The following PCCA variants were observed in gnomAD, a reference collection of about 807,000 sequenced individuals.
The protein encoded by PCCA is propionyl-CoA carboxylase alpha chain, mitochondrial.
In PCCA, 74 loss-of-function variants were observed where a neutral mutation model predicts 101.3. The observed-to-expected ratio is 0.73, with a 90% CI of 0.61 to 0.89. The LOEUF is 0.89. Ranked by LOEUF, PCCA falls within the 40% of genes least tolerant of loss-of-function variation. The pLI is 0.00. For missense variants in PCCA, 891 were observed against 907.0 expected, an observed-to-expected ratio of 0.98 and a Z score of 0.23; for synonymous variants, 294 against 313.6, an observed-to-expected ratio of 0.94 and a Z score of 0.66.
chr13:100,471,260 C>T (rs879526740), intron 21 of PCCA, among the ~76,000 whole-genome samples: 1 of 152,128 alleles, frequency 6.6e-6, no homozygotes, highest in Non-Finnish European at 1.5e-5. Flanking sequence ...TTATAGTTTA[C>T]CATCGTACAT....
chr13:100,291,768 T>C (rs1271480193), intron 12 of PCCA, among the ~76,000 whole-genome samples: 1 of 152,236 alleles, frequency 6.6e-6, no homozygotes, highest in Non-Finnish European at 1.5e-5. Context: ...TAATTTTTAT[T>C]GACTACTTGG....
At chr13:100,489,982 A>T (rs1356715891) in intron 21 of PCCA, 3 of 152,188 alleles carry the variant, frequency 2.0e-5, no homozygotes, top group African/African-American at 7.2e-5. Flanking sequence ...TTGTCAACAA[A>T]ATCAGTAAGT....
chr13:100,403,771 C>T (rs1745800), intron 19 of PCCA, among the ~76,000 whole-genome samples: 1 of 151,950 alleles, frequency 6.6e-6, no homozygotes, highest in Non-Finnish European at 1.5e-5. Context: ...AGTCCTGCTA[C>T]AGTGCTTCCT....
chr13:100,290,457 C>T (rs1364592730), intron 12 of PCCA, among the ~76,000 whole-genome samples: 1 of 152,202 alleles, frequency 6.6e-6, no homozygotes, highest in Non-Finnish European at 1.5e-5. Context: ...AAGTGATCCT[C>T]CAGCTTGGCC....
At chr13:100,318,294 G>A (rs2067597029) in intron 16 of PCCA, among the ~76,000 whole-genome samples, 1 of 151,982 alleles carries the variant, frequency 6.6e-6, no homozygotes, top group African/African-American at 2.4e-5. Context: ...AATACCTGGT[G>A]GTAATCATTT....
chr13:100,346,855 G>A (rs1235639493), intron 18 of PCCA, among the ~76,000 whole-genome samples: 1 of 152,074 alleles, frequency 6.6e-6, no homozygotes. Context: ...CTCAGATGAG[G>A]GTTAGCATTT....
chr13:100,389,945 C>T (rs9585431), intron 19 of PCCA, among the ~76,000 whole-genome samples: 4,248 of 152,202 alleles, frequency 0.028, 189 homozygotes, highest in African/African-American at 0.098. Context: ...GATCACTCTG[C>T]CTTCATGATG....
chr13:100,483,068 G>T (rs2084076008), intron 21 of PCCA, among the ~76,000 whole-genome samples: 1 of 152,068 alleles, frequency 6.6e-6, no homozygotes. Flanking sequence ...GTTAACAAGA[G>T]ATAAATTTGG....
At chr13:100,305,011 G>C (rs2066344004) in intron 14 of PCCA, among the ~76,000 whole-genome samples, 1 of 152,104 alleles carries the variant, frequency 6.6e-6, no homozygotes, top group East Asian at 1.9e-4. Context: ...TTTTCTTAAA[G>C]TTTTTAGTGC....
At chr13:100,516,757 GTGTAA>G (rs1293492448) in intron 22 of PCCA, among the ~76,000 whole-genome samples, 222 of 151,020 alleles carry the variant, frequency 1.5e-3, no homozygotes, top group African/African-American at 4.9e-3. Flanking sequence ...GTGTGTGTGT[GTGTAA>G]TGTGTGTAAA....
chr13:100,156,172 G>A (rs1285615010), intron 5 of PCCA, among the ~76,000 whole-genome samples: 1 of 152,176 alleles, frequency 6.6e-6, no homozygotes, highest in African/African-American at 2.4e-5. Flanking sequence ...AGGTTCAAGC[G>A]ATTCTCTTGC....
At chr13:100,399,104 T>G (rs1213852477) in intron 19 of PCCA, among the ~76,000 whole-genome samples, 3 of 152,114 alleles carry the variant, frequency 2.0e-5, no homozygotes, top group Non-Finnish European at 4.4e-5. Flanking sequence ...ATATTTGCCT[T>G]AATTTTTGTT....
intron 21 of PCCA, among the ~76,000 whole-genome samples, chr13:100,478,083 GCCTTGTTA>G (rs1184962042): frequency 6.6e-6 from 1 of 152,208 alleles, no homozygotes; most frequent in Non-Finnish European, 1.5e-5. Context: ...GCCTAACTTG[GCCTTGTTA>G]GCTCAGAAGC....
intron 4 of PCCA, among the ~76,000 whole-genome samples, chr13:100,129,199 T>C (rs1419759391): frequency 1.3e-5 from 2 of 152,244 alleles, no homozygotes; most frequent in African/African-American, 4.8e-5. Context: ...TCATAAATAA[T>C]TTTGGAATCT....
At chr13:100,102,141 C>T (rs1244622274) in intron 1 of PCCA, among the ~76,000 whole-genome samples, 1 of 151,430 alleles carries the variant, frequency 6.6e-6, no homozygotes, top group East Asian at 1.9e-4. Flanking sequence ...TTCTTTTTCT[C>T]CTTTCTTTTC....
At chr13:100,125,151 G>C (rs1221044896) in intron 4 of PCCA, among the ~76,000 whole-genome samples, 2 of 151,884 alleles carry the variant, frequency 1.3e-5, no homozygotes, top group Non-Finnish European at 2.9e-5. Context: ...GTGTGTGTGT[G>C]TGTGTGTGTG....
At chr13:100,480,011 G>GACTA (rs1447190138) in intron 21 of PCCA, among the ~76,000 whole-genome samples, 1 of 152,120 alleles carries the variant, frequency 6.6e-6, no homozygotes, top group African/African-American at 2.4e-5. Flanking sequence ...AAAGCCCTGG[G>GACTA]ACTAGATCTA....
intron 18 of PCCA, among the ~76,000 whole-genome samples, chr13:100,341,246 A>G (rs972261130): frequency 1.3e-5 from 2 of 152,216 alleles, no homozygotes; most frequent in African/African-American, 4.8e-5. Flanking sequence ...AAAATGGTCA[A>G]TAGAACCGTG....
chr13:100,098,061 G>C (rs544519089), intron 1 of PCCA, among the ~76,000 whole-genome samples: 20 of 151,844 alleles, frequency 1.3e-4, no homozygotes, highest in African/African-American at 4.8e-4. Context: ...TGTGGTGGCA[G>C]GGATGTGTAG....
Sources: allele counts gnomAD v4.1 joint callset (sites outside exome capture counted in the v4.1 genomes callset), GRCh38; gene constraint gnomAD v4.1.1; transcripts MANE v1.5; gene names NCBI Gene and HGNC (gene_info 2026-07-23, HGNC 2026-07-21).